Variants in VPS26B observed in about 807,000 individuals in gnomAD.
The protein encoded by VPS26B is VPS26 retromer complex component B.
In VPS26B, 10 loss-of-function variants were observed where a neutral mutation model predicts 33.3. The ratio of observed to expected loss-of-function variants is 0.30; its 90% confidence interval spans 0.19 to 0.51. VPS26B has a LOEUF of 0.51. Ranked by LOEUF, VPS26B falls within the 20% of genes least tolerant of loss-of-function variation. VPS26B has a pLI of 0.98. For missense variants in VPS26B, 317 were observed against 452.7 expected (o/e 0.70, Z 2.72); for synonymous variants, 190 against 176.9 (o/e 1.07, Z -0.59).
rs370688819 is a variant in VPS26B at position 134,225,068 on chromosome 11, G to C, written c.-55G>C. ...TGGCCTTCTTTACCTAGGGCAGCCC[G>C]CGCCCCGGTGCGAGGGAGCGGTCCT... On this transcript the variant is annotated 5_prime_UTR_variant, in exon 1 of 6. Coordinates refer to ENST00000281187, the MANE Select transcript of VPS26B (RefSeq NM_052875.5). 6.6e-7 allele frequency: 1 copy of C among 1,512,048 alleles called. No individual in the cohort carries two copies. Among genetic ancestry groups the C allele is most frequent in the South Asian group, 1.2e-5 (1 of 81,496 alleles). The allele number at this position is 1,512,048 out of a possible 1,614,324, so 93.7% of individuals were successfully genotyped here. A position where few individuals can be genotyped will look rare whatever the true frequency, so the allele number is the denominator to read the frequency against.
chr11:134,246,649 G>A lies in VPS26B; in HGVS notation c.*1059G>A, dbSNP rs1348936579. The stretch of plus-strand genomic sequence containing the variant: ...GAGACCAGGGCCTCGGCAGAAGACT[G>A]CTGCCACACTTCCGAATCATTCTGC... On this transcript the variant is annotated 3_prime_UTR_variant, in exon 6 of 6. Transcript: ENST00000281187. The A allele has an allele frequency of 1.3e-5, 2 of 152,408 alleles. No homozygotes were observed. The highest frequency in any genetic ancestry group is 6.6e-5 in the Admixed American group (1 of 15,254). The allele number at this position is 152,408 out of a possible 1,614,324, so 9.4% of individuals were successfully genotyped here. A position where few individuals can be genotyped will look rare whatever the true frequency, so the allele number is the denominator to read the frequency against.
chr11:134,244,749 G>C lies in VPS26B; in HGVS notation c.722-189G>C. 1.6e-6 allele frequency: 1 copy of C among 643,874 alleles called. No individual in the cohort carries two copies. The highest frequency in any genetic ancestry group is 1.8e-5 in the African/African-American group (1 of 54,528). 39.9% of individuals were successfully genotyped at this position (643,874 alleles called of 1,614,324 possible). A position where few individuals can be genotyped will look rare whatever the true frequency, so the allele number is the denominator to read the frequency against. On this transcript the variant is annotated intron_variant, in intron 4 of 5. Coordinates refer to ENST00000281187, the MANE Select transcript of VPS26B (RefSeq NM_052875.5). The surrounding 1 kb of genome is among the most constrained non-coding windows in gnomAD (Gnocchi z 4.0). ...ACATGAGAAGCTGCAACATGACCTG[G>C]AGTGGAACTGGAGAGTCACATTTTT...
intron 2 of VPS26B, among the ~76,000 whole-genome samples, chr11:134,236,988 GAA>G (rs1938642309): frequency 6.6e-6 from 1 of 152,222 alleles, no homozygotes; most frequent in Non-Finnish European, 1.5e-5. Context: ...CACAATAAAA[GAA>G]AAGTGTTAAT....
intron 2 of VPS26B, chr11:134,236,304 C>T (rs541630552): frequency 3.6e-4 from 55 of 152,204 alleles, no homozygotes; most frequent in African/African-American, 1.3e-3. Flanking sequence ...TTCAGTTTGA[C>T]CGAGGGATTT....
intron 4 of VPS26B, chr11:134,243,681 C>G (rs1938766451): frequency 5.7e-6 from 1 of 175,432 alleles, no homozygotes; most frequent in South Asian, 1.6e-4. Flanking sequence ...GCACAGCAGC[C>G]TGTCTGTGAC....
chr11:134,241,334 T>C (rs939168511), intron 3 of VPS26B, among the ~76,000 whole-genome samples: 3 of 152,188 alleles, frequency 2.0e-5, no homozygotes, highest in African/African-American at 7.2e-5. Context: ...GGAACATATA[T>C]GGTTCTTGGA....
At chr11:134,235,343 G>T (rs1938616644) in intron 2 of VPS26B, 1 of 260,368 alleles carries the variant, frequency 3.8e-6, no homozygotes, top group Non-Finnish European at 7.2e-6. Context: ...ACCATCATAT[G>T]GAGACACATT....
At chr11:134,235,224 G>A (rs777280799) in intron 2 of VPS26B, 171 bp downstream of exon 2, 68 of 789,242 alleles carry the variant, frequency 8.6e-5, no homozygotes, top group Non-Finnish European at 1.2e-4. Flanking sequence ...GGAGGAAAGT[G>A]GCCCTAGGTT....
At chr11:134,231,270 A>G (rs1269480648) in intron 1 of VPS26B, among the ~76,000 whole-genome samples, 1 of 152,012 alleles carries the variant, frequency 6.6e-6, no homozygotes, top group Non-Finnish European at 1.5e-5. Context: ...AATACCAATC[A>G]AGCCCATACT....
Position 134,224,897 on chromosome 11 carries a change from C to T in VPS26B, c.-226C>T, listed in dbSNP as rs562136526. The T allele has an allele frequency of 1.6e-5, 3 of 191,918 alleles. No homozygotes were observed. The highest frequency in any genetic ancestry group is 3.1e-5 in the Non-Finnish European group (3 of 95,976). The allele number at this position is 191,918 out of a possible 1,614,324, so 11.9% of individuals were successfully genotyped here. On this transcript the variant is annotated 5_prime_UTR_variant, in exon 1 of 6. Transcript: ENST00000281187. ...CACTGCTCCTCGGTGCATTGCTGCT[C>T]GGGCGCCGCAGCCCGCAGCCGCCAG...
At chr11:134,239,620 C>T (rs1938686929) in intron 2 of VPS26B, 1 of 235,906 alleles carries the variant, frequency 4.2e-6, no homozygotes. Context: ...GAAATAAAAC[C>T]TGTACACAAA....
chr11:134,231,986 A>G (rs1056483595), intron 1 of VPS26B, among the ~76,000 whole-genome samples: 3 of 152,264 alleles, frequency 2.0e-5, no homozygotes, highest in African/African-American at 7.2e-5. Flanking sequence ...CCTGTGATGC[A>G]AAGCTGGCTC....
intron 3 of VPS26B, 85 bp from the exon 4 acceptor site, chr11:134,243,034 T>C (rs1938757387): frequency 7.2e-7 from 1 of 1,396,810 alleles, no homozygotes; most frequent in African/African-American, 1.4e-5. Flanking sequence ...ACCAGCACGC[T>C]TGGCCGTGGC....
Position 134,244,233 on chromosome 11 carries a change from AATG to A in VPS26B, c.722-702_722-700del, listed in dbSNP as rs1938776191. Reference sequence around the variant, plus strand: ...TGAGAATGCATGTAAAAGAGCAGATAATGATAAGATGGCTTATATTTAGCTTTA... The same window carrying A: ...TGAGAATGCATGTAAAAGAGCAGATAATAAGATGGCTTATATTTAGCTTTA... On this transcript the variant is annotated intron_variant, in intron 4 of 5. Transcript: ENST00000281187. The surrounding 1 kb of genome is among the most constrained non-coding windows in gnomAD (Gnocchi z 4.0). The A allele has an allele frequency of 6.6e-6, 1 of 152,234 alleles. No individual in the cohort carries two copies. Among genetic ancestry groups the A allele is most frequent in the African/African-American group, 2.4e-5 (1 of 41,462 alleles). The allele number at this position is 152,234 out of a possible 1,614,324, so 9.4% of individuals were successfully genotyped here. A position where few individuals can be genotyped will look rare whatever the true frequency, so the allele number is the denominator to read the frequency against.
At chr11:134,235,902 C>A (rs941700006) in intron 2 of VPS26B, among the ~76,000 whole-genome samples, 3 of 152,174 alleles carry the variant, frequency 2.0e-5, no homozygotes, top group African/African-American at 7.2e-5. Context: ...CTCTGAACAC[C>A]TGATTCCAGG....
chr11:134,233,834 G>A (rs560075915), intron 1 of VPS26B, among the ~76,000 whole-genome samples: 10 of 152,292 alleles, frequency 6.6e-5, no homozygotes, highest in East Asian at 3.9e-4. Context: ...CAGTGGGAGC[G>A]GGGGAGACCA....
chr11:134,234,139 C>T (rs12786872), intron 1 of VPS26B, among the ~76,000 whole-genome samples: 5 of 152,166 alleles, frequency 3.3e-5, no homozygotes, highest in Non-Finnish European at 5.9e-5. Context: ...CACTAAAGTT[C>T]GACACCCCCT....
At chr11:134,238,890 T>C (rs902524755) in intron 2 of VPS26B, among the ~76,000 whole-genome samples, 13 of 152,336 alleles carry the variant, frequency 8.5e-5, no homozygotes, top group South Asian at 2.1e-4. Context: ...CCACCGCGCC[T>C]GGCCATATCT....
rs1245995057 is a variant in VPS26B at position 134,224,902 on chromosome 11, G to GCCGCAGC, written c.-212_-206dup. On this transcript the variant is annotated 5_prime_UTR_variant, in exon 1 of 6. Coordinates refer to ENST00000281187, the MANE Select transcript of VPS26B (RefSeq NM_052875.5). ...CTCCTCGGTGCATTGCTGCTCGGGC[G>GCCGCAGC]CCGCAGCCCGCAGCCGCCAGCCTCC... The GCCGCAGC allele has an allele frequency of 5.1e-6, 1 of 197,504 alleles. No homozygotes were observed. Among genetic ancestry groups the GCCGCAGC allele is most frequent in the Non-Finnish European group, 1.0e-5 (1 of 99,956 alleles). The allele number at this position is 197,504 out of a possible 1,614,324, so 12.2% of individuals were successfully genotyped here.
Sources: allele counts gnomAD v4.1 joint callset (sites outside exome capture counted in the v4.1 genomes callset), GRCh38; gene constraint gnomAD v4.1.1; non-coding constraint Gnocchi (gnomAD v3.1); transcripts MANE v1.5; gene names NCBI Gene and HGNC (gene_info 2026-07-23, HGNC 2026-07-21).